SH2D4A: variants seen among roughly 807,000 people sequenced by gnomAD.
SH2D4A encodes SH2 domain-containing protein 4A.
In SH2D4A, 70 loss-of-function variants were observed where a neutral mutation model predicts 64.7. That is an observed-to-expected ratio of 1.08 (90% CI 0.89 to 1.32). The LOEUF (loss-of-function observed/expected upper bound fraction) is 1.32. SH2D4A is among the 40% of genes most tolerant of loss of function. SH2D4A has a pLI of 0.00. For synonymous variants in SH2D4A, 268 were observed against 200.7 expected, an observed-to-expected ratio of 1.34 and a Z score of -2.83; for missense variants, 706 against 540.1, an observed-to-expected ratio of 1.31 and a Z score of -3.04.
chr8:19,346,505 C>G (rs927047668), intron 4 of SH2D4A, among the ~76,000 whole-genome samples: 1 of 152,186 alleles, frequency 6.6e-6, no homozygotes, highest in African/African-American at 2.4e-5. Context: ...GCCACTGATT[C>G]TGCATTATGA....
intron 4 of SH2D4A, among the ~76,000 whole-genome samples, chr8:19,346,100 A>G (rs2052608912): frequency 6.6e-6 from 1 of 152,264 alleles, no homozygotes; most frequent in Non-Finnish European, 1.5e-5. Flanking sequence ...TGCCTGAACA[A>G]GTACCAGATA....
chr8:19,327,230 C>T (rs2052296382), intron 2 of SH2D4A, among the ~76,000 whole-genome samples: 1 of 152,096 alleles, frequency 6.6e-6, no homozygotes, highest in African/African-American at 2.4e-5. Flanking sequence ...ATGAAGAGTC[C>T]TGCAGTGTAT....
intron 4 of SH2D4A, among the ~76,000 whole-genome samples, chr8:19,340,895 G>C (rs371155487): frequency 2.4e-4 from 37 of 152,176 alleles, no homozygotes; most frequent in African/African-American, 8.4e-4. Context: ...ACTGCACCCA[G>C]TCAGGCTGAT....
At chr8:19,332,350 A>G (rs978065983) in intron 2 of SH2D4A, among the ~76,000 whole-genome samples, 1 of 152,114 alleles carries the variant, frequency 6.6e-6, no homozygotes, top group African/African-American at 2.4e-5. Flanking sequence ...AAATAGGCAC[A>G]TGCAGCCAGG....
chr8:19,355,675 T>C (rs952826652), intron 4 of SH2D4A, among the ~76,000 whole-genome samples: 1 of 152,198 alleles, frequency 6.6e-6, no homozygotes, highest in African/African-American at 2.4e-5. Context: ...ATCTGAAAAT[T>C]GCCCATTATG....
intron 4 of SH2D4A, among the ~76,000 whole-genome samples, chr8:19,344,724 C>T (rs930494374): frequency 6.6e-6 from 1 of 152,178 alleles, no homozygotes; most frequent in East Asian, 1.9e-4. Context: ...TAGTATAGGC[C>T]TGCCACCCCT....
intron 7 of SH2D4A, among the ~76,000 whole-genome samples, chr8:19,367,616 T>C (rs189840709): frequency 2.0e-5 from 3 of 152,340 alleles, no homozygotes; most frequent in East Asian, 3.9e-4. Context: ...AGTTCCTATA[T>C]TGATGCTTTG....
chr8:19,392,233 T>A (rs1046972082), intron 8 of SH2D4A, among the ~76,000 whole-genome samples: 1 of 152,174 alleles, frequency 6.6e-6, no homozygotes, highest in Non-Finnish European at 1.5e-5. Context: ...GACACACATA[T>A]AGTTTTATTC....
At chr8:19,391,929 C>G (rs1248076863) in intron 8 of SH2D4A, among the ~76,000 whole-genome samples, 3 of 152,164 alleles carry the variant, frequency 2.0e-5, no homozygotes, top group Non-Finnish European at 4.4e-5. Context: ...CAAGAGAAGG[C>G]AAGAGCTTTG....
chr8:19,338,561 T>A (rs1585157574), intron 4 of SH2D4A, among the ~76,000 whole-genome samples: 1 of 152,152 alleles, frequency 6.6e-6, no homozygotes, highest in African/African-American at 2.4e-5. Context: ...TATAGGATAA[T>A]GATCAGAGAC....
chr8:19,355,151 C>G lies in SH2D4A; in HGVS notation c.514-2052C>G, dbSNP rs1348492608. On this transcript the variant is annotated intron_variant, in intron 4 of 9. Coordinates refer to ENST00000265807, the MANE Select transcript of SH2D4A (RefSeq NM_022071.4). ...TTTGAAACATTCTCTGCAATACTTG[C>G]GGGAGTATTAAGAAAGAAGGGTTAC... Among the ~76,000 whole-genome samples the G allele has an allele frequency of 3.3e-5, 5 of 151,942 alleles. No individual in the cohort carries two copies. The South Asian group carries it at 1.0e-3, about 32-fold the overall frequency.
intron 1 of SH2D4A, 56 bp downstream of exon 1, chr8:19,313,879 G>T: frequency 7.2e-7 from 1 of 1,390,084 alleles, no homozygotes; most frequent in Non-Finnish European, 9.3e-7. Flanking sequence ...GGTGGGAGTA[G>T]GGGGAAGGGA....
At chr8:19,374,315 C>A (rs764510341) in intron 8 of SH2D4A, among the ~76,000 whole-genome samples, 2 of 152,126 alleles carry the variant, frequency 1.3e-5, no homozygotes, top group South Asian at 2.1e-4. Context: ...TTCACAGGCC[C>A]CTCTGTTTCT....
At chr8:19,366,563 G>A (rs1475436691) in intron 7 of SH2D4A, among the ~76,000 whole-genome samples, 5 of 152,120 alleles carry the variant, frequency 3.3e-5, no homozygotes, top group African/African-American at 7.2e-5. Context: ...TTGAGAGGCC[G>A]AGGTGGGTGG....
At position 19,352,073 on chromosome 8, in the gene SH2D4A, G is replaced by A. The variant is rs563606528; in HGVS notation, c.514-5130G>A. Among the ~76,000 whole-genome samples, 155 of 152,240 alleles carry A rather than the reference G, an allele frequency of 1.0e-3. 1 individual carries two copies. Among genetic ancestry groups the A allele is most frequent in the African/African-American group, 3.5e-3 (145 of 41,554 alleles). Reference sequence around the variant, plus strand: ...GCTGGGATTACAGGCCTGAGCCACCGCCTCCAGCCTATAACCCTACTTATA... The same window carrying A: ...GCTGGGATTACAGGCCTGAGCCACCACCTCCAGCCTATAACCCTACTTATA... On this transcript the variant is annotated intron_variant, in intron 4 of 9. Transcript: ENST00000265807.
intron 8 of SH2D4A, among the ~76,000 whole-genome samples, chr8:19,376,199 C>G (rs2053193046): frequency 1.3e-5 from 2 of 152,130 alleles, no homozygotes; most frequent in African/African-American, 4.8e-5. Context: ...TCCAAATGCC[C>G]CCTGCTGGCA....
At chr8:19,314,653 C>T (rs1025472287) in intron 1 of SH2D4A, among the ~76,000 whole-genome samples, 4 of 152,178 alleles carry the variant, frequency 2.6e-5, no homozygotes, top group Non-Finnish European at 5.9e-5. Context: ...CTCCTCATCG[C>T]TCCAAAGGCT....
At chr8:19,360,934 AT>A (rs1187535746) in intron 5 of SH2D4A, 2 of 238,388 alleles carry the variant, frequency 8.4e-6, no homozygotes, top group African/African-American at 2.3e-5. Flanking sequence ...CCTAAGAAAT[AT>A]TTTTTTCTCA....
At chr8:19,339,532 C>T (rs1172039030) in intron 4 of SH2D4A, among the ~76,000 whole-genome samples, 7 of 139,528 alleles carry the variant, frequency 5.0e-5, no homozygotes, top group African/African-American at 1.6e-4. Context: ...GGCAGGGTCT[C>T]CCTCTCCCCG....
Sources: gnomAD v4.1 joint callset for allele counts (sites outside exome capture counted in the v4.1 genomes callset) on GRCh38, gnomAD v4.1.1 for gene constraint, MANE v1.5 for transcripts, NCBI Gene and HGNC (gene_info 2026-07-23, HGNC 2026-07-21) for gene names.